The following GABRR2 variants were observed in gnomAD, a reference collection of about 807,000 sequenced individuals.
GABRR2 encodes the protein gamma-aminobutyric acid type A receptor subunit rho2.
Under a neutral mutation model 47.0 loss-of-function variants are expected in GABRR2, and 36 were observed. The ratio of observed to expected loss-of-function variants is 0.77; its 90% confidence interval spans 0.59 to 1.01. The LOEUF is 1.01. Ranked by LOEUF, GABRR2 falls within the 50% of genes least tolerant of loss-of-function variation. GABRR2 has a pLI of 0.00. For missense variants in GABRR2, 587 were observed against 594.6 expected (o/e 0.99, Z 0.13); for synonymous variants, 204 against 227.5 (o/e 0.90, Z 0.93).
At chr6:89,292,734 TCATATATAATCGTATATATCGTATATAC>T (rs1774474790) in intron 2 of GABRR2, among the ~76,000 whole-genome samples, 32 of 127,784 alleles carry the variant, frequency 2.5e-4, no homozygotes, top group South Asian at 1.0e-3. Flanking sequence ...ATCGTATATA[TCATATATAATCGTATATATCGTATATAC>T]GATATATCGT....
chr6:89,263,766 G>A (rs1413289279), intron 8 of GABRR2, among the ~76,000 whole-genome samples: 3 of 151,984 alleles, frequency 2.0e-5, no homozygotes, highest in East Asian at 1.9e-4. Context: ...CAGGTGATCC[G>A]CCCACCTCGG....
intron 1 of GABRR2, among the ~76,000 whole-genome samples, chr6:89,306,213 TA>T (rs936455556): frequency 3.2e-4 from 48 of 147,858 alleles, no homozygotes; most frequent in African/African-American, 5.7e-4. Flanking sequence ...CCCGTCCCTT[TA>T]AAAAAAAAAT....
At chr6:89,301,899 C>A in intron 1 of GABRR2, 1 of 1,116,068 alleles carries the variant, frequency 9.0e-7, no homozygotes, top group Non-Finnish European at 1.4e-6. Context: ...ACGTGGGGAA[C>A]TCGGACTTGG....
chr6:89,271,508 C>T, intron 3 of GABRR2, 147 bp downstream of exon 3: 1 of 638,598 alleles, frequency 1.6e-6, no homozygotes, highest in South Asian at 1.8e-5. Context: ...AGAATGCCCG[C>T]TTTAGATTTT....
At chr6:89,273,030 T>C (rs1391323755) in intron 2 of GABRR2, among the ~76,000 whole-genome samples, 5 of 152,214 alleles carry the variant, frequency 3.3e-5, no homozygotes, top group Admixed American at 1.3e-4. Context: ...TGGCTGAGCC[T>C]GATAGAATGG....
chr6:89,311,890 G>A (rs181429528), intron 1 of GABRR2, among the ~76,000 whole-genome samples: 12 of 152,326 alleles, frequency 7.9e-5, no homozygotes, highest in Admixed American at 2.6e-4. Flanking sequence ...GTCTGAACCT[G>A]ATTTTCCTGA....
At chr6:89,295,154 C>T (rs1774533311) in intron 2 of GABRR2, among the ~76,000 whole-genome samples, 2 of 152,014 alleles carry the variant, frequency 1.3e-5, no homozygotes, top group African/African-American at 4.8e-5. Flanking sequence ...GGGTATATAC[C>T]CAGTAATGGG....
At chr6:89,313,346 A>G (rs1321420504) in intron 1 of GABRR2, among the ~76,000 whole-genome samples, 1 of 152,168 alleles carries the variant, frequency 6.6e-6, no homozygotes, top group African/African-American at 2.4e-5. Flanking sequence ...TTTGCATAAC[A>G]AAGGTTCTAA....
chr6:89,302,973 C>T lies in GABRR2; in HGVS notation c.114-3108G>A, dbSNP rs189631573. On this transcript the variant is annotated intron_variant, in intron 1 of 8. Coordinates refer to ENST00000402938, the MANE Select transcript of GABRR2 (RefSeq NM_002043.5). ...ACTGGTACATGGGCAAGGGCATGGA[C>T]GAGATGGAGATCACCGAGGCCAAGA... The T allele has an allele frequency of 1.1e-4, 137 of 1,300,026 alleles. No homozygotes were observed. The African/African-American group carries it at 1.2e-3, about 11-fold the overall frequency. 80.5% of individuals were successfully genotyped at this position (1,300,026 alleles called of 1,614,324 possible).
At chr6:89,271,539 C>T in intron 3 of GABRR2, 116 bp downstream of exon 3, 4 of 860,130 alleles carry the variant, frequency 4.7e-6, no homozygotes, top group Non-Finnish European at 7.4e-6. Context: ...GGCCGACTTC[C>T]AAGCGCCCAT....
At chr6:89,267,578 C>G in intron 6 of GABRR2, 101 bp downstream of exon 6, 3 of 1,230,246 alleles carry the variant, frequency 2.4e-6, no homozygotes, top group Non-Finnish European at 3.4e-6. Context: ...AAACAAAAAA[C>G]AAAACACACA....
chr6:89,310,082 C>G (rs1767654378), intron 1 of GABRR2, among the ~76,000 whole-genome samples: 1 of 151,578 alleles, frequency 6.6e-6, no homozygotes, highest in Admixed American at 6.6e-5. Flanking sequence ...TTGATATTCT[C>G]TGGGTTTGGA....
At chr6:89,312,676 G>A (rs1273346920) in intron 1 of GABRR2, among the ~76,000 whole-genome samples, 1 of 152,194 alleles carries the variant, frequency 6.6e-6, no homozygotes, top group Non-Finnish European at 1.5e-5. Context: ...AAGTAATTTG[G>A]AAAAATAAAT....
intron 1 of GABRR2, chr6:89,301,766 T>C: frequency 1.4e-6 from 1 of 725,130 alleles, no homozygotes; most frequent in Non-Finnish European, 2.5e-6. Context: ...CGCAGCCGCC[T>C]GCCAGACACG....
At chr6:89,285,573 C>T (rs950095097) in intron 2 of GABRR2, among the ~76,000 whole-genome samples, 1 of 152,068 alleles carries the variant, frequency 6.6e-6, no homozygotes, top group Non-Finnish European at 1.5e-5. Context: ...GCAAATTCTT[C>T]GGCCGCTCCT....
intron 1 of GABRR2, among the ~76,000 whole-genome samples, chr6:89,308,914 CT>C (rs1767622906): frequency 6.6e-6 from 1 of 152,198 alleles, no homozygotes; most frequent in Non-Finnish European, 1.5e-5. Context: ...CCTCACAGGG[CT>C]TCCAACCTAG....
intron 2 of GABRR2, among the ~76,000 whole-genome samples, chr6:89,296,768 A>G (rs1343329115): frequency 6.6e-6 from 1 of 152,242 alleles, no homozygotes; most frequent in Non-Finnish European, 1.5e-5. Flanking sequence ...GGCGTGTTGC[A>G]GCATTCTGCT....
chr6:89,312,950 G>A (rs575122998), intron 1 of GABRR2, among the ~76,000 whole-genome samples: 3 of 152,260 alleles, frequency 2.0e-5, no homozygotes, highest in Admixed American at 6.5e-5. Flanking sequence ...GCGCGGGTTT[G>A]GGAATGAGAC....
chr6:89,314,020 GT>G (rs35891444), intron 1 of GABRR2, among the ~76,000 whole-genome samples: 5,746 of 141,286 alleles, frequency 0.041, 354 homozygotes, highest in African/African-American at 0.14. Flanking sequence ...TATATTCAGG[GT>G]TTTTTTTTTT....
Sources: gnomAD v4.1 joint callset for allele counts (sites outside exome capture counted in the v4.1 genomes callset) on GRCh38, gnomAD v4.1.1 for gene constraint, MANE v1.5 for transcripts, NCBI Gene and HGNC (gene_info 2026-07-23, HGNC 2026-07-21) for gene names.